The following PLA2G5 variants were observed in gnomAD, a reference collection of about 807,000 sequenced individuals.
PLA2G5 encodes the protein Ca2+-dependent phospholipase A2.
A neutral mutation model predicts 15.9 loss-of-function variants in PLA2G5; 12 were observed. That is an observed-to-expected ratio of 0.76 (90% confidence interval 0.48 to 1.23). The LOEUF (loss-of-function observed/expected upper bound fraction) is 1.23. Among genes scored for constraint, PLA2G5 ranks in the 50% most tolerant of loss-of-function variants. PLA2G5 has a pLI of 0.00. For synonymous variants in PLA2G5, 71 were observed against 71.4 expected (o/e 0.99, Z 0.03); for missense variants, 169 against 177.1 (o/e 0.95, Z 0.26).
chr1:20,061,163 T>C (rs1157925580), intron 2 of PLA2G5, among the ~76,000 whole-genome samples: 1 of 152,208 alleles, frequency 6.6e-6, no homozygotes, highest in African/African-American at 2.4e-5. Flanking sequence ...GGGATACAAA[T>C]GAATCTACCT....
intron 1 of PLA2G5, among the ~76,000 whole-genome samples, chr1:20,048,840 G>A (rs556369094): frequency 4.7e-4 from 71 of 152,174 alleles, no homozygotes; most frequent in African/African-American, 1.6e-3. Flanking sequence ...GTAATGGACT[G>A]AATACTTGTA....
upstream of PLA2G5, among the ~76,000 whole-genome samples, chr1:20,065,850 T>C (rs2014996329): frequency 6.6e-6 from 1 of 152,202 alleles, no homozygotes; most frequent in Admixed American, 6.5e-5. Flanking sequence ...TGTAAGAAAC[T>C]GTCAAATTGG....
chr1:20,070,397 A>C lies in PLA2G5; in HGVS notation c.-79A>C, dbSNP rs905014434. On this transcript the variant is annotated 5_prime_UTR_variant, in exon 1 of 5. Coordinates refer to ENST00000375108, the MANE Select transcript of PLA2G5 (RefSeq NM_000929.3). ...GGGAGCCCGCGAGACCCGGGTCTCC[A>C]GGGTCTGCCCAAGGAAGTTGCTCAT... 5 of 985,006 alleles carry C rather than the reference A, an allele frequency of 5.1e-6. No individual in the cohort carries two copies. The highest frequency in any genetic ancestry group is 6.0e-6 in the Non-Finnish European group (5 of 829,636). The allele number at this position is 985,006 out of a possible 1,614,324, so 61.0% of individuals were successfully genotyped here.
chr1:20,029,901 G>C (rs1188470373), intron 1 of PLA2G5, among the ~76,000 whole-genome samples: 1 of 152,234 alleles, frequency 6.6e-6, no homozygotes, highest in Non-Finnish European at 1.5e-5. Flanking sequence ...GTGCTACACA[G>C]AAAGAAAACA....
At chr1:20,038,662 C>T (rs975949677) in intron 1 of PLA2G5, among the ~76,000 whole-genome samples, 8 of 152,054 alleles carry the variant, frequency 5.3e-5, no homozygotes, top group African/African-American at 1.9e-4. Flanking sequence ...GCCTGTAGTC[C>T]CTGATGCTCA....
intron 1 of PLA2G5, among the ~76,000 whole-genome samples, chr1:20,046,611 G>A (rs2013918934): frequency 6.6e-6 from 1 of 152,088 alleles, no homozygotes; most frequent in Admixed American, 6.5e-5. Flanking sequence ...TTCTTTCTTT[G>A]TGGAATTTCG....
rs1043217015 is a variant in PLA2G5, at chr1:20,070,368, G to A, written c.-108G>A. ...TGTGGATACCAATGTTCCGACTGGAGACGGGGAGCCCGCGAGACCCGGGTC... is the reference window on the plus strand; with the variant it reads ...TGTGGATACCAATGTTCCGACTGGAAACGGGGAGCCCGCGAGACCCGGGTC... On this transcript the variant is annotated 5_prime_UTR_variant, in exon 1 of 5. Transcript: ENST00000375108. The A allele has an allele frequency of 2.3e-5, 23 of 985,502 alleles. No individual in the cohort carries two copies. The African/African-American group carries it at 3.8e-4, about 16-fold the overall frequency. 61.0% of individuals were successfully genotyped at this position (985,502 alleles called of 1,614,324 possible). A position where few individuals can be genotyped will look rare whatever the true frequency, so the allele number is the denominator to read the frequency against.
intron 1 of PLA2G5, among the ~76,000 whole-genome samples, chr1:20,080,650 G>A (rs948253929): frequency 6.6e-6 from 1 of 152,128 alleles, no homozygotes; most frequent in African/African-American, 2.4e-5. Flanking sequence ...GTTGTGCCAG[G>A]GTGAGGGGAA....
chr1:20,079,112 TCAAA>T (rs2015861731), intron 1 of PLA2G5, among the ~76,000 whole-genome samples: 2 of 38,372 alleles, frequency 5.2e-5, no homozygotes, highest in African/African-American at 1.0e-4. Flanking sequence ...AGACCCTGTC[TCAAA>T]AAAAAAAAAA....
At chr1:20,064,612 G>A (rs2014923123) in intron 2 of PLA2G5, among the ~76,000 whole-genome samples, 1 of 151,216 alleles carries the variant, frequency 6.6e-6, no homozygotes, top group Admixed American at 6.6e-5. Flanking sequence ...CAGAATACAA[G>A]GTCAGGCATG....
rs2016274700 is a variant in PLA2G5, at chr1:20,086,104, G to T, written c.62G>T (p.Gly21Val). 6.2e-7 allele frequency: 1 copy of T among 1,614,140 alleles called. No individual in the cohort carries two copies. Residue 21 changes from glycine (G) to valine (V), a missense_variant, in exon 3 of 5, where the codon GGC becomes GTC. Coordinates refer to ENST00000375108, the MANE Select transcript of PLA2G5 (RefSeq NM_000929.3). ...LACSVPAVQG[G>V]LLDLKSMIEK... ...CCAGGTGTGCCTGCTGTGCAAGGAG[G>T]CTTGCTGGACCTAAAATCAATGATC...
At chr1:20,041,239 A>G (rs1054127373) in intron 1 of PLA2G5, among the ~76,000 whole-genome samples, 1 of 152,136 alleles carries the variant, frequency 6.6e-6, no homozygotes, top group Non-Finnish European at 1.5e-5. Context: ...GGCCCAAATC[A>G]ATAGAACAAT....
chr1:20,050,720 G>C (rs1436413831), intron 1 of PLA2G5, among the ~76,000 whole-genome samples: 2 of 151,796 alleles, frequency 1.3e-5, no homozygotes, highest in Non-Finnish European at 2.9e-5. Context: ...ACTTTTTTTT[G>C]GGAAATACTT....
rs147587743 is a variant in PLA2G5 at position 20,043,330 on chromosome 1, G to A, written n.276+14621G>A. Among the ~76,000 whole-genome samples the A allele has an allele frequency of 1.4e-3, 219 of 152,278 alleles. 1 individual carries two copies. Among genetic ancestry groups the A allele is most frequent in the African/African-American group, 5.0e-3 (207 of 41,532 alleles). On this transcript the variant is annotated intron_variant and non_coding_transcript_variant, in intron 1 of 6. Coordinates refer to the PLA2G5 transcript ENST00000460175. ...CCAGTTTTTGGACAGGTAAAATGGG[G>A]GAATTGTAAAGAGAGTTTATAGGCT... is the stretch of plus-strand genomic sequence containing the variant.
rs376612671 is a variant in PLA2G5, at chr1:20,029,334, T to TGTTCCTCCCCTGATAC, written n.276+634_276+649dup. ...TCCTCTCAACGTCCAGCCACCCGTG[T>TGTTCCTCCCCTGATAC]GTTCCTCCCCTGATACGTTCCTCCG... is the stretch of plus-strand genomic sequence containing the variant. On this transcript the variant is annotated intron_variant and non_coding_transcript_variant, in intron 1 of 6. Transcript: ENST00000460175. 2.1e-3 allele frequency among the ~76,000 whole-genome samples: 310 copies of TGTTCCTCCCCTGATAC among 145,562 alleles called. 2 individuals carry two copies. The highest frequency in any genetic ancestry group is 7.0e-3 in the Middle Eastern group (2 of 286).
chr1:20,062,361 A>G (rs151256411), intron 2 of PLA2G5, among the ~76,000 whole-genome samples: 21 of 152,324 alleles, frequency 1.4e-4, no homozygotes, highest in African/African-American at 5.1e-4. Flanking sequence ...CACGCCAGAA[A>G]GATGCAAGAA....
intron 3 of PLA2G5, among the ~76,000 whole-genome samples, chr1:20,088,097 C>A (rs954430783): frequency 1.3e-5 from 2 of 151,216 alleles, no homozygotes; most frequent in African/African-American, 4.9e-5. Context: ...GTGGCTCACG[C>A]CTGTAATCCC....
At chr1:20,031,015 A>AGTT (rs1370440802) in intron 1 of PLA2G5, among the ~76,000 whole-genome samples, 2 of 152,142 alleles carry the variant, frequency 1.3e-5, no homozygotes, top group Non-Finnish European at 2.9e-5. Context: ...TTTCCCTGAC[A>AGTT]GTTGTTAGTA....
chr1:20,033,160 G>T (rs1209999537), intron 1 of PLA2G5, among the ~76,000 whole-genome samples: 1 of 152,238 alleles, frequency 6.6e-6, no homozygotes, highest in East Asian at 1.9e-4. Flanking sequence ...TTGAGAGGTA[G>T]TATGGGGCTG....
Sources: gnomAD v4.1 joint callset for allele counts (sites outside exome capture counted in the v4.1 genomes callset) on GRCh38, gnomAD v4.1.1 for gene constraint, MANE v1.5 for transcripts, NCBI Gene and HGNC (gene_info 2026-07-23, HGNC 2026-07-21) for gene names.